The following STARD10 variants were observed in gnomAD, a reference collection of about 807,000 sequenced individuals.
STARD10 encodes START domain-containing protein 10.
A neutral mutation model predicts 36.0 loss-of-function variants in STARD10; 24 were observed. The ratio of observed to expected loss-of-function variants is 0.67; its 90% confidence interval spans 0.48 to 0.94. STARD10 has a LOEUF of 0.94. STARD10 is among the 40% of genes least tolerant of loss of function. The pLI is 0.00. For synonymous variants in STARD10, 156 were observed against 161.9 expected (o/e 0.96, Z 0.28); for missense variants, 335 against 396.6 (o/e 0.84, Z 1.32).
rs897364971 is a variant in STARD10, at chr11:72,758,594, G to T, written c.395C>A (p.Thr132Asn). 9.3e-6 allele frequency: 15 copies of T among 1,613,964 alleles called. No homozygotes were observed. The highest frequency in any genetic ancestry group is 1.3e-5 in the Non-Finnish European group (15 of 1,180,010). The change falls in exon 4 of 7, where the codon ACC (threonine) becomes AAC (asparagine). Residue 132 changes from threonine to asparagine, a missense_variant. Transcript: ENST00000334805. ...PKPLKNRDVI[T>N]LRSWLPMGAD... The stretch of plus-strand genomic sequence containing the variant: ...GCCCATGGGGAGCCAGGAGCGGAGG[G>T]TGATGACATCACGGTTCTTCAGGGG...
At chr11:72,782,014 G>A (rs1042607735) in intron 1 of STARD10, 1 of 152,196 alleles carries the variant, frequency 6.6e-6, no homozygotes, top group African/African-American at 2.4e-5. Flanking sequence ...GACAGGGAAA[G>A]GGGTGAGGAG....
intron 2 of STARD10, among the ~76,000 whole-genome samples, chr11:72,768,835 G>A (rs1858824936): frequency 1.3e-5 from 2 of 152,280 alleles, no homozygotes; most frequent in Non-Finnish European, 2.9e-5. Context: ...CCTTGCAGGG[G>A]GCCTGGCCTA....
intron 1 of STARD10, among the ~76,000 whole-genome samples, chr11:72,784,714 T>C (rs1470739527): frequency 2.6e-5 from 4 of 152,160 alleles, no homozygotes; most frequent in African/African-American, 9.7e-5. Flanking sequence ...TTGAGATGTC[T>C]CTCTGAGCCC....
intron 2 of STARD10, among the ~76,000 whole-genome samples, chr11:72,760,683 G>A (rs547473331): frequency 2.6e-5 from 4 of 152,242 alleles, no homozygotes; most frequent in Non-Finnish European, 5.9e-5. Context: ...TAAGTAACTC[G>A]CCCAATGTCA....
At chr11:72,776,080 T>G (rs938315593) in intron 2 of STARD10, among the ~76,000 whole-genome samples, 2 of 152,172 alleles carry the variant, frequency 1.3e-5, no homozygotes, top group African/African-American at 2.4e-5. Flanking sequence ...CTGGAACTAC[T>G]TCTTCCAGGT....
At chr11:72,786,923 A>C (rs760952918) in intron 1 of STARD10, among the ~76,000 whole-genome samples, 1 of 152,054 alleles carries the variant, frequency 6.6e-6, no homozygotes, top group Non-Finnish European at 1.5e-5. Flanking sequence ...CTACAAAAAA[A>C]TGTAAAACTT....
chr11:72,787,817 CT>C (rs1378100899), intron 1 of STARD10, among the ~76,000 whole-genome samples: 1 of 152,262 alleles, frequency 6.6e-6, no homozygotes, highest in Admixed American at 6.5e-5. Context: ...TGGGCAAGAA[CT>C]CCAGCCCTGG....
At chr11:72,764,113 G>C (rs150895936) in intron 2 of STARD10, among the ~76,000 whole-genome samples, 1 of 152,170 alleles carries the variant, frequency 6.6e-6, no homozygotes, top group Non-Finnish European at 1.5e-5. Flanking sequence ...ACCATGAGTG[G>C]ATGGAGGGGC....
At chr11:72,786,444 A>C (rs376513571) in intron 1 of STARD10, among the ~76,000 whole-genome samples, 1 of 152,062 alleles carries the variant, frequency 6.6e-6, no homozygotes. Context: ...TGTCCTTCAC[A>C]GTGGCGATAG....
Position 72,755,120 on chromosome 11 carries a change from G to T in STARD10, c.653C>A (p.Ala218Glu), listed in dbSNP as rs767577476. Residue 218 changes from alanine (A) to glutamate (E), a missense_variant, in exon 7 of 7, where the codon GCG becomes GAG. Coordinates refer to ENST00000334805, the MANE Select transcript of STARD10 (RefSeq NM_006645.3). ...APKAMKKMYK[A>E]CLKYPEWKQK... ...TTTCCACTCGGGGTACTTGAGGCAC[G>T]CCTTGTACATCTTCTTCATGGCCTG... 31 of 1,612,976 alleles carry T rather than the reference G, an allele frequency of 1.9e-5. No homozygotes were observed. The highest frequency in any genetic ancestry group is 3.3e-5 in the Admixed American group (2 of 59,930).
intron 1 of STARD10, chr11:72,782,186 A>G (rs1859011769): frequency 6.6e-6 from 1 of 152,454 alleles, no homozygotes; most frequent in African/African-American, 2.4e-5. Context: ...CTGTCCCCAG[A>G]ACAACCCAGA....
In STARD10 at chr11:72,754,750, TG is replaced by T; in HGVS notation, c.*146del. On this transcript the variant is annotated 3_prime_UTR_variant, in exon 7 of 7. Transcript: ENST00000334805. ...CGGCTGAGGCTGTGGGATCGTTTAT[TG>T]GGGCTCTGTCCAGCCAGGCTGCAGC... The T allele has an allele frequency of 8.0e-7, 1 of 1,243,118 alleles. No homozygotes were observed. The highest frequency in any genetic ancestry group is 2.1e-5 in the Admixed American group (1 of 48,732). The allele number at this position is 1,243,118 out of a possible 1,614,324, so 77.0% of individuals were successfully genotyped here.
chr11:72,765,816 CAAAAA>C (rs752801080), intron 2 of STARD10, among the ~76,000 whole-genome samples: 1 of 118,196 alleles, frequency 8.5e-6, no homozygotes, highest in Non-Finnish European at 1.7e-5. Flanking sequence ...ACTAAAAATA[CAAAAA>C]AAAAAAAAAA....
intron 1 of STARD10, chr11:72,785,930 G>C (rs1184180292): frequency 6.8e-6 from 1 of 147,164 alleles, no homozygotes; most frequent in African/African-American, 2.5e-5. Context: ...TGCCAGTTTT[G>C]ATGGAGCAAA....
intron 1 of STARD10, among the ~76,000 whole-genome samples, chr11:72,792,593 G>T (rs140956749): frequency 9.5e-4 from 144 of 152,204 alleles, no homozygotes; most frequent in Non-Finnish European, 1.5e-3. Context: ...GATCCTGCAG[G>T]TGCCATGGTG....
At chr11:72,763,032 C>T (rs1858741017) in intron 2 of STARD10, among the ~76,000 whole-genome samples, 1 of 152,168 alleles carries the variant, frequency 6.6e-6, no homozygotes, top group African/African-American at 2.4e-5. Context: ...GACACCGGAA[C>T]CAGCTTGAAG....
rs1859008280 is a variant in STARD10, at chr11:72,781,971, G to C, written c.-113-677C>G. On this transcript the variant is annotated intron_variant, in intron 1 of 6. Transcript: ENST00000334805. This position sits in a 1 kb window ranked among gnomAD's most constrained non-coding sequence, Gnocchi z 4.7. ...CCCGCCCCCGCCGGCCCTGGGAGGG[G>C]ACCCTGCGCGCGAGGGGCAAGTCCC... 6.6e-6 allele frequency: 1 copy of C among 152,262 alleles called. No homozygotes were observed. Among genetic ancestry groups the C allele is most frequent in the East Asian group, 1.9e-4 (1 of 5,160 alleles). 9.4% of individuals were successfully genotyped at this position (152,262 alleles called of 1,614,324 possible).
intron 2 of STARD10, among the ~76,000 whole-genome samples, chr11:72,764,717 G>A (rs544166916): frequency 1.3e-5 from 2 of 152,232 alleles, no homozygotes; most frequent in Non-Finnish European, 2.9e-5. Flanking sequence ...GGCGGGGTAG[G>A]GCTGAGTCTC....
rs754705097 is a variant in STARD10 at position 72,780,492 on chromosome 11, A to G, written c.207+483T>C. On this transcript the variant is annotated intron_variant, in intron 2 of 6. Coordinates refer to ENST00000334805, the MANE Select transcript of STARD10 (RefSeq NM_006645.3). ...GGAGGGAGGGAAGGGAAAGAGCAAG[A>G]GCAGGGCATCGGGCAGTAAGGAATC... The G allele has an allele frequency of 1.1e-4, 45 of 410,570 alleles. 1 individual carries two copies. The highest frequency in any genetic ancestry group is 7.6e-4 in the South Asian group (45 of 59,086). The allele number at this position is 410,570 out of a possible 1,614,324, so 25.4% of individuals were successfully genotyped here. A position where few individuals can be genotyped will look rare whatever the true frequency, so the allele number is the denominator to read the frequency against.
Sources: allele counts gnomAD v4.1 joint callset (sites outside exome capture counted in the v4.1 genomes callset), GRCh38; gene constraint gnomAD v4.1.1; non-coding constraint Gnocchi (gnomAD v3.1); transcripts MANE v1.5; gene names NCBI Gene and HGNC (gene_info 2026-07-23, HGNC 2026-07-21).